Variants in IL34 observed in about 807,000 individuals in gnomAD.
IL34 encodes the protein interleukin 34.
In IL34, 17 loss-of-function variants were observed where a neutral mutation model predicts 25.3. The ratio of observed to expected loss-of-function variants is 0.67; its 90% confidence interval spans 0.46 to 1.01. IL34 has a LOEUF of 1.01. IL34 is among the 50% of genes least tolerant of loss of function. The pLI, the probability that IL34 is intolerant of heterozygous loss-of-function variation, is 0.00. For synonymous variants in IL34, 174 were observed against 140.9 expected (o/e 1.23, Z -1.66); for missense variants, 368 against 312.9 (o/e 1.18, Z -1.33).
At chr16:70,624,713 G>A (rs146009727) in intron 1 of IL34, among the ~76,000 whole-genome samples, 11 of 151,982 alleles carry the variant, frequency 7.2e-5, no homozygotes, top group African/African-American at 1.9e-4. Context: ...GGTGGGGAAG[G>A]GCTAGTCACT....
intron 2 of IL34, among the ~76,000 whole-genome samples, chr16:70,655,884 T>C (rs2052206043): frequency 6.6e-6 from 1 of 152,214 alleles, no homozygotes; most frequent in Non-Finnish European, 1.5e-5. Flanking sequence ...TGTGTCTTTT[T>C]TATTTTAACA....
intron 1 of IL34, among the ~76,000 whole-genome samples, chr16:70,632,080 T>A (rs2051531141): frequency 1.4e-5 from 2 of 141,538 alleles, no homozygotes; most frequent in Non-Finnish European, 3.0e-5. Flanking sequence ...TCAGCCTGGG[T>A]GATAGAGTGA....
At chr16:70,617,394 C>T (rs1340922910) in intron 1 of IL34, among the ~76,000 whole-genome samples, 2 of 152,144 alleles carry the variant, frequency 1.3e-5, no homozygotes, top group East Asian at 3.9e-4. Context: ...ACTGTGTAAA[C>T]CGGCAGTGTA....
Position 70,646,664 on chromosome 16 carries a change from C to A in IL34, c.-284C>A. 2.3e-6 allele frequency: 1 copy of A among 428,588 alleles called. No homozygotes were observed. Among genetic ancestry groups the A allele is most frequent in the Non-Finnish European group, 4.1e-6 (1 of 244,662 alleles). 26.5% of individuals were successfully genotyped at this position (428,588 alleles called of 1,614,324 possible). A position where few individuals can be genotyped will look rare whatever the true frequency, so the allele number is the denominator to read the frequency against. The stretch of plus-strand genomic sequence containing the variant: ...CCTCCTGCTCCTTGGAAAGGAAGAC[C>A]CCGAAAGACCCCCAAGCCACCGGCT... On this transcript the variant is annotated 5_prime_UTR_variant, in exon 1 of 6. Transcript: ENST00000288098.
rs79683891 is a variant in IL34, at chr16:70,585,701, A to T, written c.-401+5652A>T. Among the ~76,000 whole-genome samples, 28 of 142,828 alleles carry T rather than the reference A, an allele frequency of 2.0e-4. No individual in the cohort carries two copies. The Middle Eastern group carries it at 0.011, about 55-fold the overall frequency. 93.7% of individuals were successfully genotyped at this position (142,828 alleles called of 152,430 possible). ...GAGACTCTGTCTTAAAAAAAAAAAAATTTTTTTTTTTTTAGAGACAGGGTC... is the reference window on the plus strand; with the variant it reads ...GAGACTCTGTCTTAAAAAAAAAAAATTTTTTTTTTTTTTAGAGACAGGGTC... On this transcript the variant is annotated intron_variant, in intron 1 of 6. Transcript: ENST00000429149.
At chr16:70,606,619 G>A (rs189229470) in intron 1 of IL34, among the ~76,000 whole-genome samples, 4 of 151,798 alleles carry the variant, frequency 2.6e-5, no homozygotes, top group Non-Finnish European at 5.9e-5. Flanking sequence ...ACAAGATCTC[G>A]TTCTGTTGTC....
At chr16:70,638,177 G>A (rs761178817) in intron 1 of IL34, among the ~76,000 whole-genome samples, 1 of 152,166 alleles carries the variant, frequency 6.6e-6, no homozygotes, top group Non-Finnish European at 1.5e-5. Flanking sequence ...TCTCTGGGAG[G>A]TTTAAAAACT....
At chr16:70,636,924 G>C (rs991443297) in intron 1 of IL34, among the ~76,000 whole-genome samples, 1 of 151,634 alleles carries the variant, frequency 6.6e-6, no homozygotes, top group Non-Finnish European at 1.5e-5. Flanking sequence ...CTGTCGCCCA[G>C]GTTGGAGTAC....
At chr16:70,657,445 G>A in intron 4 of IL34, 1 of 274,518 alleles carries the variant, frequency 3.6e-6, no homozygotes, top group Non-Finnish European at 6.9e-6. Context: ...TCCTGGAGGT[G>A]GGGTAGGGGG....
intron 1 of IL34, among the ~76,000 whole-genome samples, chr16:70,592,916 GTACTGGGAT>G: frequency 6.6e-6 from 1 of 152,300 alleles, no homozygotes; most frequent in East Asian, 1.9e-4. Flanking sequence ...GCCTCCCAAA[GTACTGGGAT>G]TACAGGCGTG....
At chr16:70,604,724 C>G (rs867923369) in intron 1 of IL34, among the ~76,000 whole-genome samples, 3 of 152,198 alleles carry the variant, frequency 2.0e-5, no homozygotes, top group Non-Finnish European at 4.4e-5. Context: ...TAGGCAAAGT[C>G]CGATAAGGAG....
At chr16:70,607,825 C>A (rs139968694) in intron 1 of IL34, among the ~76,000 whole-genome samples, 1 of 150,760 alleles carries the variant, frequency 6.6e-6, no homozygotes, top group Non-Finnish European at 1.5e-5. Flanking sequence ...AGTGCAGTGG[C>A]GTGATCTCGG....
chr16:70,647,891 G>A (rs752501616), intron 1 of IL34, among the ~76,000 whole-genome samples: 1 of 152,236 alleles, frequency 6.6e-6, no homozygotes, highest in Admixed American at 6.5e-5. Flanking sequence ...AGAAGCAGGG[G>A]TGCAGCATGG....
chr16:70,630,004 C>T (rs2051483334), intron 1 of IL34, among the ~76,000 whole-genome samples: 1 of 152,202 alleles, frequency 6.6e-6, no homozygotes, highest in Admixed American at 6.5e-5. Flanking sequence ...TCCTCCCACC[C>T]AGCAACAATT....
At chr16:70,645,135 AGAC>A (rs1346471482), upstream of IL34, among the ~76,000 whole-genome samples, 1 of 141,872 alleles carries the variant, frequency 7.0e-6, no homozygotes, top group Non-Finnish European at 1.5e-5. Flanking sequence ...GGAAGGAGGA[AGAC>A]GAGGAAGGAG....
intron 1 of IL34, among the ~76,000 whole-genome samples, chr16:70,630,726 C>T (rs570100900): frequency 1.3e-5 from 2 of 152,144 alleles, no homozygotes; most frequent in African/African-American, 4.8e-5. Context: ...GGCACACCAC[C>T]ATGCCTGGCT....
intron 1 of IL34, among the ~76,000 whole-genome samples, chr16:70,599,313 T>TTTCTTTCC (rs2050876917): frequency 6.7e-6 from 1 of 148,570 alleles, no homozygotes; most frequent in South Asian, 2.1e-4. Flanking sequence ...TCCTTCTTTC[T>TTTCTTTCC]TTCTTTTCTT....
chr16:70,620,122 T>G (rs976510132), intron 1 of IL34, among the ~76,000 whole-genome samples: 1 of 152,276 alleles, frequency 6.6e-6, no homozygotes, highest in African/African-American at 2.4e-5. Context: ...GGCTGGAATT[T>G]AATTTTTGGA....
intron 1 of IL34, among the ~76,000 whole-genome samples, chr16:70,605,003 C>A (rs548240059): frequency 4.6e-5 from 7 of 152,198 alleles, no homozygotes; most frequent in Non-Finnish European, 8.8e-5. Flanking sequence ...GGCAAGGCCT[C>A]TCAGAACCAG....
Sources: gnomAD v4.1 joint callset for allele counts (sites outside exome capture counted in the v4.1 genomes callset) on GRCh38, gnomAD v4.1.1 for gene constraint, MANE v1.5 for transcripts, NCBI Gene and HGNC (gene_info 2026-07-23, HGNC 2026-07-21) for gene names.